Variants in C1orf94 observed in about 807,000 individuals in gnomAD.
C1orf94 encodes chromosome 1 open reading frame 94, also known as uncharacterized protein C1orf94.
A neutral mutation model predicts 53.6 loss-of-function variants in C1orf94; 45 were observed. That is an observed-to-expected ratio of 0.84 (90% CI 0.66 to 1.08). The LOEUF is 1.08. Among genes scored for constraint, C1orf94 ranks in the 50% least tolerant of loss-of-function variants. The pLI, the probability that C1orf94 is intolerant of heterozygous loss-of-function variation, is 0.00. For synonymous variants in C1orf94, 304 were observed against 296.1 expected (o/e 1.03, Z -0.27); for missense variants, 762 against 738.9 (o/e 1.03, Z -0.36).
chr1:34,218,840 G>GGTAT lies in C1orf94; in HGVS notation c.*81_*84dup. The stretch of plus-strand genomic sequence containing the variant: ...TGATTTTTGGATTCTGCAAAAGCTT[G>GGTAT]GTATGAAGTTTGGAAAAGCAAGGTT... On this transcript the variant is annotated 3_prime_UTR_variant, in exon 7 of 7. Coordinates refer to ENST00000488417, the MANE Select transcript of C1orf94 (RefSeq NM_001134734.2). 3 of 1,355,266 alleles carry GGTAT rather than the reference G, an allele frequency of 2.2e-6. No homozygotes were observed. In the South Asian group the frequency reaches 4.4e-5, roughly 20 times the overall value. 84.0% of individuals were successfully genotyped at this position (1,355,266 alleles called of 1,614,324 possible). A position where few individuals can be genotyped will look rare whatever the true frequency, so the allele number is the denominator to read the frequency against.
At chr1:34,194,782 A>G (rs1642553641) in intron 1 of C1orf94, among the ~76,000 whole-genome samples, 1 of 152,164 alleles carries the variant, frequency 6.6e-6, no homozygotes, top group African/African-American at 2.4e-5. Flanking sequence ...TACCATTATC[A>G]CAATTTTTAA....
At chr1:34,181,470 T>G (rs934560305) in intron 1 of C1orf94, among the ~76,000 whole-genome samples, 1 of 152,246 alleles carries the variant, frequency 6.6e-6, no homozygotes, top group Non-Finnish European at 1.5e-5. Context: ...GGACACATTT[T>G]CAATCTCTTA....
rs766683944 is a variant in C1orf94, at chr1:34,197,658, A to G, written c.754A>G (p.Lys252Glu). The G allele has an allele frequency of 1.5e-5, 24 of 1,614,044 alleles. No individual in the cohort carries two copies. The highest frequency in any genetic ancestry group is 1.8e-5 in the Non-Finnish European group (21 of 1,180,034). Residue 252 changes from lysine to glutamate, a missense_variant, in exon 2 of 7, where the codon AAG (lysine) becomes GAG (glutamate). Lys to Glu is a moderately conservative substitution (Grantham distance 56). Transcript: ENST00000488417. This position sits in a 1 kb window ranked among gnomAD's most constrained non-coding sequence, Gnocchi z 4.1. ...CCCACTGAAGTCCACTGAGACATCC[A>G]AGGTCCCTGACAACAAGAATGTGCT... ...QFPLKSTETS[K>E]VPDNKNVLDK...
chr1:34,203,444 A>T (rs180767352), intron 4 of C1orf94, among the ~76,000 whole-genome samples: 54 of 152,274 alleles, frequency 3.5e-4, no homozygotes, highest in African/African-American at 1.3e-3. Context: ...GCCATTTTAT[A>T]TCAGAGACTT....
Position 34,177,261 on chromosome 1 carries a change from C to T in C1orf94, c.-529C>T, listed in dbSNP as rs997081354. ...GGGTGGGAGTCGGGCCGTTGACGCT[C>T]GCTCTGCGAGGGGCTCCCTGGGAAC... On this transcript the variant is annotated 5_prime_UTR_variant, in exon 1 of 7. Transcript: ENST00000488417. 6.6e-6 allele frequency among the ~76,000 whole-genome samples: 1 copy of T among 152,208 alleles called. No homozygotes were observed. Among genetic ancestry groups the T allele is most frequent in the African/African-American group, 2.4e-5 (1 of 41,468 alleles).
intron 6 of C1orf94, among the ~76,000 whole-genome samples, chr1:34,216,390 A>T (rs762973189): frequency 5.3e-5 from 8 of 152,252 alleles, no homozygotes; most frequent in South Asian, 2.1e-4. Context: ...AATAAGTAGG[A>T]CTATCTAGTG....
At chr1:34,178,701 T>C (rs1642268093) in intron 1 of C1orf94, among the ~76,000 whole-genome samples, 1 of 152,238 alleles carries the variant, frequency 6.6e-6, no homozygotes, top group Non-Finnish European at 1.5e-5. Context: ...ATCCTGTGTC[T>C]GGGAAACACA....
intron 1 of C1orf94, among the ~76,000 whole-genome samples, chr1:34,193,832 T>C (rs550504405): frequency 6.6e-6 from 1 of 152,316 alleles, no homozygotes; most frequent in East Asian, 1.9e-4. Flanking sequence ...ATGGATATCC[T>C]GCGGCAACCT....
At chr1:34,209,617 G>T (rs749659893) in intron 5 of C1orf94, among the ~76,000 whole-genome samples, 20 of 152,116 alleles carry the variant, frequency 1.3e-4, no homozygotes, top group Non-Finnish European at 2.2e-4. Context: ...CGTGCAAACC[G>T]CACCTCTGAC....
chr1:34,204,427 G>A (rs745935381), intron 4 of C1orf94, among the ~76,000 whole-genome samples: 30 of 152,244 alleles, frequency 2.0e-4, no homozygotes, highest in Non-Finnish European at 3.5e-4. Context: ...GTGATGAAAG[G>A]TGACCTAAGA....
chr1:34,169,419 G>A (rs1380068302), intron 1 of C1orf94, among the ~76,000 whole-genome samples: 1 of 152,144 alleles, frequency 6.6e-6, no homozygotes, highest in Non-Finnish European at 1.5e-5. Context: ...AAAGCCCAAT[G>A]CAGTCTAGTG....
At chr1:34,200,552 AGATG>A (rs1223057413) in intron 2 of C1orf94, among the ~76,000 whole-genome samples, 1 of 152,122 alleles carries the variant, frequency 6.6e-6, no homozygotes, top group African/African-American at 2.4e-5. Context: ...ATGAATGAAC[AGATG>A]GATGGATTGA....
chr1:34,180,870 C>T (rs868479110), intron 1 of C1orf94, among the ~76,000 whole-genome samples: 16 of 152,272 alleles, frequency 1.1e-4, no homozygotes, highest in Middle Eastern at 3.4e-3. Flanking sequence ...CTTGACTCTG[C>T]ACCTATTTAT....
At position 34,178,163 on chromosome 1, in the gene C1orf94, T is replaced by C. The variant is rs998023975; in HGVS notation, c.320+54T>C. ...AAGGGAGGAGGGAGGAGATGAAGTC[T>C]GACCTTCTGGGGGAATGTTCTGGCC... is the stretch of plus-strand genomic sequence containing the variant. On this transcript the variant is annotated intron_variant, in intron 1 of 6. Transcript: ENST00000488417. 1.3e-5 allele frequency: 20 copies of C among 1,505,636 alleles called. No homozygotes were observed. In the East Asian group the frequency reaches 4.9e-4, roughly 37 times the overall value. 93.3% of individuals were successfully genotyped at this position (1,505,636 alleles called of 1,614,324 possible).
At chr1:34,178,483 G>A (rs1246328453) in intron 1 of C1orf94, among the ~76,000 whole-genome samples, 2 of 152,228 alleles carry the variant, frequency 1.3e-5, no homozygotes, top group African/African-American at 2.4e-5. Context: ...CTAAAGGCTA[G>A]GCATTCACAT....
Position 34,197,196 on chromosome 1 carries a change from C to A in C1orf94, c.321-29C>A. 6.7e-7 allele frequency: 1 copy of A among 1,484,140 alleles called. No individual in the cohort carries two copies. 91.9% of individuals were successfully genotyped at this position (1,484,140 alleles called of 1,614,324 possible). A position where few individuals can be genotyped will look rare whatever the true frequency, so the allele number is the denominator to read the frequency against. ...CCACGCCTTGGTGAGCTGGCACTAA[C>A]ACCGTCTGTCTCTCTGACCCATTTC... On this transcript the variant is annotated intron_variant, in intron 1 of 6. Transcript: ENST00000488417. The surrounding 1 kb of genome is among the most constrained non-coding windows in gnomAD (Gnocchi z 4.1).
chr1:34,190,751 A>G (rs1248294300), intron 1 of C1orf94, among the ~76,000 whole-genome samples: 1 of 152,208 alleles, frequency 6.6e-6, no homozygotes, highest in Non-Finnish European at 1.5e-5. Flanking sequence ...CTGTGACCAC[A>G]GGAAAATTAC....
Position 34,212,384 on chromosome 1 carries a change from T to C in C1orf94, c.1699T>C (p.Tyr567His), listed in dbSNP as rs924571534. ...CCTAATGGCAGGAGATGGACCGCAG[T>C]ACCTCTTTCCCCAAGGATATGGGTG... ...PPLMAGDGPQ[Y>H]LFPQGYGFGS... Residue 567 changes from tyrosine to histidine, a missense_variant, in exon 6 of 7, where the codon TAC (tyrosine) becomes CAC (histidine). By Grantham distance (83) the Tyr-to-His change is moderately conservative. Coordinates refer to ENST00000488417, the MANE Select transcript of C1orf94 (RefSeq NM_001134734.2). 8 of 1,611,312 alleles carry C rather than the reference T, an allele frequency of 5.0e-6. No individual in the cohort carries two copies. Among genetic ancestry groups the C allele is most frequent in the Non-Finnish European group, 6.8e-6 (8 of 1,178,908 alleles).
chr1:34,207,727 G>A (rs1642822412), intron 4 of C1orf94, among the ~76,000 whole-genome samples: 1 of 152,214 alleles, frequency 6.6e-6, no homozygotes, highest in African/African-American at 2.4e-5. Context: ...GGGCAGGTAT[G>A]GGATTAGGGG....
Sources: allele counts gnomAD v4.1 joint callset (sites outside exome capture counted in the v4.1 genomes callset), GRCh38; gene constraint gnomAD v4.1.1; non-coding constraint Gnocchi (gnomAD v3.1); transcripts MANE v1.5; gene names NCBI Gene and HGNC (gene_info 2026-07-23, HGNC 2026-07-21).